GTF3C3: variants seen among roughly 807,000 people sequenced by gnomAD.
GTF3C3 encodes general transcription factor IIIC subunit 3.
Under a neutral mutation model 105.2 loss-of-function variants are expected in GTF3C3, and 75 were observed. The ratio of observed to expected loss-of-function variants is 0.71; its 90% CI spans 0.59 to 0.86. The LOEUF is 0.86. Among genes scored for constraint, GTF3C3 ranks in the 40% least tolerant of loss-of-function variants. The pLI is 0.00. For missense variants in GTF3C3, 856 were observed against 1,076.5 expected, an observed-to-expected ratio of 0.80 and a Z score of 2.87; for synonymous variants, 335 against 370.4, an observed-to-expected ratio of 0.90 and a Z score of 1.10.
In GTF3C3 at chr2:196,764,482, G is replaced by GTT; in HGVS notation, c.*79_*80dup. On this transcript the variant is annotated 3_prime_UTR_variant, in exon 18 of 18. Transcript: ENST00000263956. Reference sequence around the variant, plus strand: ...CTGAAATTGTCATTTCTATTTTGGAGTTACAAATAATAAGCCCTGAGACAG... The same window carrying GTT: ...CTGAAATTGTCATTTCTATTTTGGAGTTTTACAAATAATAAGCCCTGAGACAG... 8.1e-7 allele frequency: 1 copy of GTT among 1,241,698 alleles called. No homozygotes were observed. Among genetic ancestry groups the GTT allele is most frequent in the Non-Finnish European group, 1.1e-6 (1 of 912,978 alleles). The allele number at this position is 1,241,698 out of a possible 1,614,324, so 76.9% of individuals were successfully genotyped here.
At chr2:196,798,196 T>G (rs548569325) in intron 1 of GTF3C3, among the ~76,000 whole-genome samples, 113 of 152,300 alleles carry the variant, frequency 7.4e-4, no homozygotes, top group Non-Finnish European at 1.4e-3. Flanking sequence ...ATAAAATATC[T>G]TAATAATTTC....
intron 16 of GTF3C3, among the ~76,000 whole-genome samples, chr2:196,768,284 G>A (rs901286729): frequency 2.0e-5 from 3 of 152,164 alleles, no homozygotes; most frequent in African/African-American, 7.2e-5. Flanking sequence ...CACCCAAAGT[G>A]CAGGGATTAC....
In GTF3C3 at chr2:196,793,160, A is replaced by G; in HGVS notation, c.215-8T>C. On this transcript the variant is annotated splice_polypyrimidine_tract_variant and splice_region_variant and intron_variant, in intron 2 of 17. Transcript: ENST00000263956. ...CTCCATCTGATGTTTCTCCTGAGAAAAGAGACATTGATGGGGGAGGGGTGG... is the reference window on the plus strand; with the variant it reads ...CTCCATCTGATGTTTCTCCTGAGAAGAGAGACATTGATGGGGGAGGGGTGG... The G allele has an allele frequency of 2.5e-6, 4 of 1,582,446 alleles. No individual in the cohort carries two copies. The highest frequency in any genetic ancestry group is 2.3e-5 in the East Asian group (1 of 44,092).
chr2:196,771,600 CA>C (rs1435141035), intron 15 of GTF3C3, 147 bp downstream of exon 15: 12 of 591,550 alleles, frequency 2.0e-5, no homozygotes, highest in Non-Finnish European at 3.6e-5. Context: ...TTATTATCTC[CA>C]TTTTAGAGAT....
chr2:196,795,722 G>C (rs112458786), intron 2 of GTF3C3, among the ~76,000 whole-genome samples: 1 of 152,178 alleles, frequency 6.6e-6, no homozygotes, highest in African/African-American at 2.4e-5. Flanking sequence ...GTGAATTACT[G>C]AATGTTACTA....
rs1385524541 is a variant in GTF3C3 at position 196,792,946 on chromosome 2, A to C, written c.411+10T>G. 6.3e-7 allele frequency: 1 copy of C among 1,584,700 alleles called. No individual in the cohort carries two copies. The highest frequency in any genetic ancestry group is 8.7e-7 in the Non-Finnish European group (1 of 1,155,342). On this transcript the variant is annotated intron_variant, in intron 3 of 17. Coordinates refer to ENST00000263956, the MANE Select transcript of GTF3C3 (RefSeq NM_012086.5). Reference sequence around the variant, plus strand: ...ATTGTTTATAAATACCAAAATAAGTAAAAATTTACTTTCATCATTTTCTTG... The same window carrying C: ...ATTGTTTATAAATACCAAAATAAGTCAAAATTTACTTTCATCATTTTCTTG...
rs768177143 is a variant in GTF3C3, at chr2:196,764,569, A to T, written c.2655T>A (p.Ser885=). 9.4e-5 allele frequency: 151 copies of T among 1,613,600 alleles called. No homozygotes were observed. Among genetic ancestry groups the T allele is most frequent in the Non-Finnish European group, 1.3e-4 (149 of 1,179,748 alleles). ...TGTTCTCAGTTGCGGTGCTTTATAT[A>T]GAACAATAGGTATACAAAAGCGTTT... ...MAQTLLYTYC[S]I Residue 885 remains serine, a synonymous_variant, in exon 18 of 18, where the codon TCT becomes TCA. Coordinates refer to ENST00000263956, the MANE Select transcript of GTF3C3 (RefSeq NM_012086.5).
chr2:196,777,033 C>T (rs1576022915), intron 10 of GTF3C3, among the ~76,000 whole-genome samples: 2 of 152,184 alleles, frequency 1.3e-5, no homozygotes, highest in East Asian at 3.8e-4. Flanking sequence ...ACACAATCGG[C>T]AGACCAGTGT....
At chr2:196,784,452 T>C (rs1170354222) in intron 8 of GTF3C3, among the ~76,000 whole-genome samples, 1 of 152,218 alleles carries the variant, frequency 6.6e-6, no homozygotes, top group Non-Finnish European at 1.5e-5. Flanking sequence ...GGTAATCATA[T>C]TAGTTTCTAC....
chr2:196,765,825 A>C (rs1027349900), intron 17 of GTF3C3, among the ~76,000 whole-genome samples: 2 of 151,696 alleles, frequency 1.3e-5, no homozygotes, highest in Non-Finnish European at 1.5e-5. Flanking sequence ...CCTGGTTAAC[A>C]TGGTGAAACC....
At position 196,771,304 on chromosome 2, in the gene GTF3C3, T is replaced by C. The variant is rs1467706836; in HGVS notation, c.2260+444A>G. ...ATGAACTTTCAGCAAATCTTGAATG[T>C]TTTGCATTATGGCAAATTAAAATCA... On this transcript the variant is annotated intron_variant, in intron 15 of 17. Coordinates refer to ENST00000263956, the MANE Select transcript of GTF3C3 (RefSeq NM_012086.5). Among the ~76,000 whole-genome samples, 4 of 152,290 alleles carry C rather than the reference T, an allele frequency of 2.6e-5. No individual in the cohort carries two copies. In the East Asian group the frequency reaches 7.7e-4, roughly 29 times the overall value.
At chr2:196,765,619 A>G (rs1699048308) in intron 17 of GTF3C3, among the ~76,000 whole-genome samples, 1 of 147,860 alleles carries the variant, frequency 6.8e-6, no homozygotes, top group Non-Finnish European at 1.5e-5. Flanking sequence ...TATGAAATAC[A>G]TATATAAATA....
intron 14 of GTF3C3, among the ~76,000 whole-genome samples, 187 bp from the exon 15 acceptor site, chr2:196,772,125 G>A (rs183686247): frequency 2.1e-4 from 32 of 152,256 alleles, no homozygotes; most frequent in South Asian, 1.2e-3. Flanking sequence ...CCCAGAAAAT[G>A]TTGCTTAAGT....
chr2:196,795,439 C>T (rs1559307224), intron 2 of GTF3C3, among the ~76,000 whole-genome samples: 1 of 151,978 alleles, frequency 6.6e-6, no homozygotes. Flanking sequence ...ATGTTCTGAG[C>T]AATAAATATT....
At chr2:196,782,769 C>T (rs975802227) in intron 8 of GTF3C3, among the ~76,000 whole-genome samples, 1 of 152,180 alleles carries the variant, frequency 6.6e-6, no homozygotes, top group East Asian at 1.9e-4. Context: ...GGTAAACAAA[C>T]TGTTACCAGT....
intron 15 of GTF3C3, 104 bp from the exon 16 acceptor site, chr2:196,770,143 G>T: frequency 2.1e-6 from 2 of 963,524 alleles, no homozygotes; most frequent in South Asian, 2.7e-5. Context: ...TACATAAGGT[G>T]GACATTCTAT....
intron 4 of GTF3C3, among the ~76,000 whole-genome samples, chr2:196,790,567 G>A (rs138921808): frequency 1.8e-3 from 271 of 152,310 alleles, no homozygotes; most frequent in East Asian, 0.018. Flanking sequence ...CAAAGATTAT[G>A]AAGTATTAAA....
intron 8 of GTF3C3, among the ~76,000 whole-genome samples, chr2:196,782,444 A>G (rs771856713): frequency 6.6e-6 from 1 of 152,272 alleles, no homozygotes; most frequent in Admixed American, 6.5e-5. Context: ...GAAATACTTT[A>G]TATCTCGGCA....
intron 4 of GTF3C3, among the ~76,000 whole-genome samples, chr2:196,790,758 T>A (rs1699532745): frequency 6.6e-6 from 1 of 152,068 alleles, no homozygotes; most frequent in Admixed American, 6.6e-5. Flanking sequence ...GACCCTAGTC[T>A]AACCAAAAAG....
Sources: allele counts gnomAD v4.1 joint callset (sites outside exome capture counted in the v4.1 genomes callset), GRCh38; gene constraint gnomAD v4.1.1; transcripts MANE v1.5; gene names NCBI Gene and HGNC (gene_info 2026-07-23, HGNC 2026-07-21).